Variants in RFX7 observed in about 807,000 individuals in gnomAD.
RFX7 encodes the protein regulatory factor X7.
RFX7 carries 26 observed loss-of-function variants against 111.8 expected under a neutral mutation model. That is an observed-to-expected ratio of 0.23 (90% CI 0.17 to 0.32). The LOEUF (loss-of-function observed/expected upper bound fraction) is 0.32, where lower values mean the gene tolerates loss of function less well. Ranked by LOEUF, RFX7 falls within the 10% of genes least tolerant of loss-of-function variation. The pLI is 1.00. For synonymous variants in RFX7, 624 were observed against 624.4 expected (o/e 1.00, Z 0.01); for missense variants, 1,573 against 1,772.9 (o/e 0.89, Z 2.02).
intron 3 of RFX7, among the ~76,000 whole-genome samples, chr15:56,159,911 C>T (rs1034693841): frequency 1.3e-5 from 2 of 152,108 alleles, no homozygotes; most frequent in African/African-American, 4.8e-5. Context: ...GAGATCTGCT[C>T]CTGTTTTTAG....
At chr15:56,116,623 G>A (rs538295592) in intron 5 of RFX7, among the ~76,000 whole-genome samples, 18 of 152,248 alleles carry the variant, frequency 1.2e-4, no homozygotes, top group African/African-American at 3.6e-4. Context: ...TAGGTTCTCC[G>A]CAGAAGACGA....
chr15:56,239,093 C>A (rs1393221394), intron 2 of RFX7, among the ~76,000 whole-genome samples: 4 of 152,072 alleles, frequency 2.6e-5, no homozygotes, highest in African/African-American at 9.7e-5. Context: ...CTTGACCTCC[C>A]AAAGTGTTAG....
At chr15:56,109,379 G>T (rs1437824838) in intron 5 of RFX7, among the ~76,000 whole-genome samples, 1 of 152,198 alleles carries the variant, frequency 6.6e-6, no homozygotes. Context: ...GTGCAGTGGC[G>T]TGATCTCGGC....
chr15:56,162,408 A>G, intron 3 of RFX7, among the ~76,000 whole-genome samples: 1 of 152,102 alleles, frequency 6.6e-6, no homozygotes. Context: ...TTTCCATCAG[A>G]GCACACTTTT....
chr15:56,109,769 G>A (rs1450417276), intron 5 of RFX7, among the ~76,000 whole-genome samples: 1 of 150,892 alleles, frequency 6.6e-6, no homozygotes, highest in Non-Finnish European at 1.5e-5. Context: ...CCTCTGCCTG[G>A]CAACCGCCCT....
chr15:56,224,417 A>G (rs1427835368), intron 2 of RFX7, among the ~76,000 whole-genome samples: 1 of 151,340 alleles, frequency 6.6e-6, no homozygotes, highest in Non-Finnish European at 1.5e-5. Flanking sequence ...ACAAAAAGCA[A>G]CATTTTTTGG....
At chr15:56,116,994 AG>A (rs1444524841) in intron 5 of RFX7, among the ~76,000 whole-genome samples, 2 of 152,170 alleles carry the variant, frequency 1.3e-5, no homozygotes, top group Admixed American at 1.3e-4. Context: ...GCCAGGACAG[AG>A]GTTACCCTTG....
intron 3 of RFX7, among the ~76,000 whole-genome samples, chr15:56,148,673 A>G (rs2042520707): frequency 6.6e-6 from 1 of 152,220 alleles, no homozygotes; most frequent in Non-Finnish European, 1.5e-5. Context: ...GGACAGAGAC[A>G]GTATTCCATC....
intron 2 of RFX7, among the ~76,000 whole-genome samples, chr15:56,216,963 T>G (rs2043368717): frequency 6.6e-6 from 1 of 152,174 alleles, no homozygotes; most frequent in Admixed American, 6.5e-5. Context: ...TCTACGGATA[T>G]TCTTTGGAGG....
Position 56,093,474 on chromosome 15 carries a change from A to G in RFX7, c.4254T>C (p.Ala1418=). 6.2e-7 allele frequency: 1 copy of G among 1,613,926 alleles called. No individual in the cohort carries two copies. Among genetic ancestry groups the G allele is most frequent in the Non-Finnish European group, 8.5e-7 (1 of 1,179,844 alleles). Residue 1418 remains alanine (A), a synonymous_variant, in exon 10 of 10, where the codon GCT becomes GCC. Transcript: ENST00000559447. ...PGRQQGQDDE[A]TLEELKNDPL... ...GGTCATTCTTTAATTCTTCCAGTGTAGCTTCATCATCTTGTCCCTGCTGAC... is the reference window on the plus strand; with the variant it reads ...GGTCATTCTTTAATTCTTCCAGTGTGGCTTCATCATCTTGTCCCTGCTGAC...
At chr15:56,133,964 C>G (rs926438287) in intron 5 of RFX7, among the ~76,000 whole-genome samples, 1 of 152,118 alleles carries the variant, frequency 6.6e-6, no homozygotes, top group South Asian at 2.1e-4. Context: ...TGCACGTATA[C>G]TAACCATATG....
intron 2 of RFX7, among the ~76,000 whole-genome samples, chr15:56,230,092 C>T (rs938348589): frequency 3.2e-4 from 49 of 152,286 alleles, no homozygotes; most frequent in African/African-American, 1.2e-3. Flanking sequence ...ATAGCTCAAA[C>T]CCTCTGCTAG....
intron 5 of RFX7, among the ~76,000 whole-genome samples, chr15:56,124,098 T>G (rs1338095116): frequency 1.3e-5 from 2 of 152,164 alleles, no homozygotes; most frequent in Non-Finnish European, 2.9e-5. Flanking sequence ...GAGGCTTCTA[T>G]TTGGCCATCT....
At chr15:56,162,641 AG>A (rs2042734730) in intron 3 of RFX7, among the ~76,000 whole-genome samples, 1 of 141,826 alleles carries the variant, frequency 7.1e-6, no homozygotes, top group South Asian at 2.5e-4. Flanking sequence ...CTAACAGGAG[AG>A]AAAAAAAAAA....
rs1282272080 is a variant in RFX7, at chr15:56,089,646, A to C, written c.*3699T>G. 6.6e-6 allele frequency: 1 copy of C among 151,964 alleles called. No homozygotes were observed. Among genetic ancestry groups the C allele is most frequent in the African/African-American group, 2.4e-5 (1 of 41,370 alleles). 9.4% of individuals were successfully genotyped at this position (151,964 alleles called of 1,614,324 possible). ...TGAGCACTGAGGATCCTAACATACT[A>C]ATTTTATAGTATTATCTAGGTAGTT... On this transcript the variant is annotated 3_prime_UTR_variant, in exon 10 of 10. Coordinates refer to ENST00000559447, the MANE Select transcript of RFX7 (RefSeq NM_022841.7).
At chr15:56,236,675 A>C (rs754610039) in intron 2 of RFX7, among the ~76,000 whole-genome samples, 1 of 152,240 alleles carries the variant, frequency 6.6e-6, no homozygotes, top group Non-Finnish European at 1.5e-5. Context: ...GAAAGAGTAC[A>C]TACTTTTCTT....
chr15:56,101,063 C>T (rs1567007135), intron 8 of RFX7, among the ~76,000 whole-genome samples: 1 of 152,040 alleles, frequency 6.6e-6, no homozygotes, highest in Admixed American at 6.5e-5. Context: ...CATATAAACA[C>T]ATTCTATAAA....
intron 2 of RFX7, among the ~76,000 whole-genome samples, chr15:56,229,467 G>A (rs541079462): frequency 1.7e-4 from 26 of 152,008 alleles, no homozygotes; most frequent in Non-Finnish European, 2.2e-4. Flanking sequence ...GGGTTTCACC[G>A]TGTTAGCCAG....
At chr15:56,137,948 G>A (rs1330126525) in intron 5 of RFX7, among the ~76,000 whole-genome samples, 1 of 151,968 alleles carries the variant, frequency 6.6e-6, no homozygotes, top group Non-Finnish European at 1.5e-5. Flanking sequence ...TTAACCCTGA[G>A]TTCTAGTTTG....
Sources: gnomAD v4.1 joint callset for allele counts (sites outside exome capture counted in the v4.1 genomes callset) on GRCh38, gnomAD v4.1.1 for gene constraint, MANE v1.5 for transcripts, NCBI Gene and HGNC (gene_info 2026-07-23, HGNC 2026-07-21) for gene names.